Variants in PALM2AKAP2 observed in about 807,000 individuals in gnomAD.
PALM2AKAP2 encodes PALM2 and AKAP2 fusion, also known as PALM2-AKAP2 fusion protein.
In PALM2AKAP2, 37 loss-of-function variants were observed where a neutral mutation model predicts 71.5. The observed-to-expected ratio is 0.52, with a 90% CI of 0.40 to 0.68. The LOEUF is 0.68. Among genes scored for constraint, PALM2AKAP2 ranks in the 30% least tolerant of loss-of-function variants. The probability of loss-of-function intolerance (pLI) is 0.00; values close to 1 mark genes in which losing one functional copy is unlikely to be tolerated. For missense variants in PALM2AKAP2, 1,224 were observed against 1,191.8 expected (o/e 1.03, Z -0.40); for synonymous variants, 468 against 478.8 (o/e 0.98, Z 0.29).
intron 1 of PALM2AKAP2, among the ~76,000 whole-genome samples, chr9:109,748,911 C>A (rs1828844222): frequency 6.6e-6 from 1 of 152,160 alleles, no homozygotes; most frequent in African/African-American, 2.4e-5. Flanking sequence ...TCTTAATTTC[C>A]TATTCTTATA....
At chr9:109,702,446 C>T (rs1168827856) in intron 1 of PALM2AKAP2, among the ~76,000 whole-genome samples, 9 of 152,112 alleles carry the variant, frequency 5.9e-5, no homozygotes. Context: ...TTTGTAGGGA[C>T]ATGGATGAAG....
chr9:109,981,101 C>G (rs537520175), intron 6 of PALM2AKAP2, among the ~76,000 whole-genome samples: 1 of 152,158 alleles, frequency 6.6e-6, no homozygotes, highest in Non-Finnish European at 1.5e-5. Flanking sequence ...AATAAATCTT[C>G]ATTTATTATT....
At chr9:109,877,516 G>A (rs181112197) in intron 2 of PALM2AKAP2, among the ~76,000 whole-genome samples, 40 of 152,242 alleles carry the variant, frequency 2.6e-4, no homozygotes, top group Non-Finnish European at 4.6e-4. Flanking sequence ...CAGTAGAGGT[G>A]GAAGGCTTCT....
rs1835532769 is a variant in PALM2AKAP2 at position 110,123,448 on chromosome 9, C to T, written c.157-12679C>T. Among the ~76,000 whole-genome samples the T allele has an allele frequency of 2.0e-5, 3 of 152,204 alleles. No homozygotes were observed. In the South Asian group the frequency reaches 6.2e-4, roughly 31 times the overall value. ...ACCCTAGTCATACTGGATTAGGGCCCACCCTGGTGACCTCACTTAAATGTG... is the reference window on the plus strand; with the variant it reads ...ACCCTAGTCATACTGGATTAGGGCCTACCCTGGTGACCTCACTTAAATGTG... On this transcript the variant is annotated intron_variant, in intron 1 of 3. Coordinates refer to ENST00000374525, the Ensembl canonical transcript of PALM2AKAP2.
chr9:109,940,198 G>T (rs1831326784), intron 6 of PALM2AKAP2, among the ~76,000 whole-genome samples: 1 of 152,182 alleles, frequency 6.6e-6, no homozygotes, highest in Non-Finnish European at 1.5e-5. Flanking sequence ...ATCATGGATA[G>T]GTGTTGGGCA....
intron 3 of PALM2AKAP2, among the ~76,000 whole-genome samples, chr9:109,919,751 G>A (rs1367317868): frequency 6.7e-6 from 1 of 149,472 alleles, no homozygotes; most frequent in Non-Finnish European, 1.5e-5. Context: ...GTGTGTGTGT[G>A]TGTGTGTGTG....
chr9:109,972,929 C>A (rs1267849660), intron 6 of PALM2AKAP2, among the ~76,000 whole-genome samples: 1 of 152,114 alleles, frequency 6.6e-6, no homozygotes, highest in African/African-American at 2.4e-5. Context: ...AATCTTTCAC[C>A]TTTTACCAAT....
chr9:109,734,669 T>C (rs1402913695), intron 1 of PALM2AKAP2, among the ~76,000 whole-genome samples: 1 of 152,198 alleles, frequency 6.6e-6, no homozygotes, highest in Non-Finnish European at 1.5e-5. Flanking sequence ...GACATTTTAA[T>C]TTCATTAAAC....
At chr9:110,169,286 A>C (rs561148539) in exon 4 of PALM2AKAP2, 1 of 152,634 alleles carries the variant, frequency 6.6e-6, no homozygotes, top group African/African-American at 2.4e-5. Flanking sequence ...ATGTTTCTTC[A>C]TAGGAAAACT....
intron 1 of PALM2AKAP2, chr9:109,771,989 T>C (rs1829272472): frequency 6.6e-6 from 1 of 152,338 alleles, no homozygotes; most frequent in African/African-American, 2.4e-5. Context: ...GCAGCAGAAG[T>C]GGCCCTGCCA....
At chr9:109,650,449 C>A (rs907360275) in intron 1 of PALM2AKAP2, among the ~76,000 whole-genome samples, 15 of 152,056 alleles carry the variant, frequency 9.9e-5, no homozygotes, top group African/African-American at 3.1e-4. Context: ...TGAAGACTTG[C>A]TCTGTCACCT....
intron 1 of PALM2AKAP2, among the ~76,000 whole-genome samples, chr9:109,865,464 A>G (rs975496236): frequency 2.1e-4 from 32 of 152,076 alleles, no homozygotes; most frequent in African/African-American, 7.2e-4. Context: ...CATGTCAGTT[A>G]CAGTGATCAC....
At chr9:109,925,657 G>T (rs1278746116) in intron 5 of PALM2AKAP2, among the ~76,000 whole-genome samples, 1 of 151,960 alleles carries the variant, frequency 6.6e-6, no homozygotes, top group Non-Finnish European at 1.5e-5. Flanking sequence ...GTAGGAGTGG[G>T]GTCCTGGCTT....
Position 109,891,453 on chromosome 9 carries a change from C to T in PALM2AKAP2, c.257+10772C>T, listed in dbSNP as rs1011219614. Among the ~76,000 whole-genome samples, 5 of 151,968 alleles carry T rather than the reference C, an allele frequency of 3.3e-5. No homozygotes were observed. The South Asian group carries it at 6.2e-4, about 19-fold the overall frequency. ...GATGGAGATGAAGACTTTTACAGGTCGCAGGGGAACACTGACATGTCACTC... is the reference window on the plus strand; with the variant it reads ...GATGGAGATGAAGACTTTTACAGGTTGCAGGGGAACACTGACATGTCACTC... On this transcript the variant is annotated intron_variant, in intron 3 of 9. Transcript: ENST00000302798.
chr9:109,743,285 G>T (rs1223604783), intron 1 of PALM2AKAP2, among the ~76,000 whole-genome samples: 1 of 152,198 alleles, frequency 6.6e-6, no homozygotes, highest in Non-Finnish European at 1.5e-5. Context: ...TATGGCAGAA[G>T]TATTCTACAT....
chr9:110,030,469 G>C (rs943583556), intron 7 of PALM2AKAP2, among the ~76,000 whole-genome samples: 16 of 152,158 alleles, frequency 1.1e-4, no homozygotes, highest in African/African-American at 3.9e-4. Context: ...TGTGCGTAGG[G>C]GAGAGACAGA....
chr9:110,006,324 C>CTCTCTCTTTCTTTCTTTCTT (rs1554736919), intron 6 of PALM2AKAP2, among the ~76,000 whole-genome samples: 3 of 102,102 alleles, frequency 2.9e-5, no homozygotes, highest in Non-Finnish European at 5.8e-5. Context: ...TTCCTTCCTT[C>CTCTCTCTTTCTTTCTTTCTT]TCTTTCTTTC....
exon 1 of PALM2AKAP2, chr9:110,048,750 T>C (rs1267356304): frequency 8.8e-6 from 12 of 1,368,298 alleles, no homozygotes; most frequent in Non-Finnish European, 1.2e-5. Flanking sequence ...CGGAGTCTCC[T>C]GGACCCCCGG....
chr9:109,765,873 GC>G lies in PALM2AKAP2; in HGVS notation c.6-14613del, dbSNP rs549040435. On this transcript the variant is annotated intron_variant, in intron 1 of 6. Transcript: ENST00000374531. ...TTAGGGGATGAGTAAAACCTCCTGA[GC>G]CTGAGATGCAATGCACAACATGGTC... 4.0e-4 allele frequency among the ~76,000 whole-genome samples: 61 copies of G among 152,296 alleles called. 1 individual carries two copies. Among genetic ancestry groups the G allele is most frequent in the African/African-American group, 1.4e-3 (58 of 41,554 alleles).
Sources: allele counts gnomAD v4.1 joint callset (sites outside exome capture counted in the v4.1 genomes callset), GRCh38; gene constraint gnomAD v4.1.1; transcripts MANE v1.5; gene names NCBI Gene and HGNC (gene_info 2026-07-23, HGNC 2026-07-21).